ACYP2: variants seen among roughly 807,000 people sequenced by gnomAD.
The protein encoded by ACYP2 is acylphosphatase 2, also known as acylphosphatase-2.
Under a neutral mutation model 11.2 loss-of-function variants are expected in ACYP2, and 12 were observed. That is an observed-to-expected ratio of 1.08 (90% CI 0.69 to 1.74). The LOEUF (loss-of-function observed/expected upper bound fraction) is 1.74. ACYP2 is among the 40% of genes most tolerant of loss of function. The probability of loss-of-function intolerance (pLI) is 0.00; values close to 1 mark genes in which losing one functional copy is unlikely to be tolerated. For synonymous variants in ACYP2, 43 were observed against 32.2 expected (o/e 1.33, Z -1.13); for missense variants, 134 against 101.9 (o/e 1.31, Z -1.35).
At chr2:54,086,744 G>A (rs1445569180) in intron 4 of ACYP2, among the ~76,000 whole-genome samples, 1 of 152,156 alleles carries the variant, frequency 6.6e-6, no homozygotes, top group Non-Finnish European at 1.5e-5. Context: ...GACTGCTACA[G>A]GTTCATAGAT....
At chr2:54,199,217 A>G (rs1684646282) in intron 6 of ACYP2, among the ~76,000 whole-genome samples, 1 of 152,190 alleles carries the variant, frequency 6.6e-6, no homozygotes, top group South Asian at 2.1e-4. Flanking sequence ...ACTTGCTTCT[A>G]GGCTCACTAA....
At chr2:54,291,510 C>G (rs1252450797) in intron 6 of ACYP2, among the ~76,000 whole-genome samples, 1 of 152,226 alleles carries the variant, frequency 6.6e-6, no homozygotes, top group Admixed American at 6.5e-5. Flanking sequence ...CTTCTGGGGT[C>G]TTTCACGTAC....
intron 6 of ACYP2, among the ~76,000 whole-genome samples, chr2:54,265,816 C>G (rs1687992314): frequency 6.6e-6 from 1 of 152,168 alleles, no homozygotes; most frequent in Non-Finnish European, 1.5e-5. Flanking sequence ...TAGTGCCTAC[C>G]TCCCAGAATT....
intron 6 of ACYP2, among the ~76,000 whole-genome samples, chr2:54,295,160 G>GTATATTTATGTAATGAATAACA (rs1689475579): frequency 6.6e-6 from 1 of 152,122 alleles, no homozygotes; most frequent in Non-Finnish European, 1.5e-5. Flanking sequence ...CAGTTACCAT[G>GTATATTTATGTAATGAATAACA]TATATTTATG....
At chr2:54,043,331 C>A (rs945209601) in intron 2 of ACYP2, among the ~76,000 whole-genome samples, 1 of 152,122 alleles carries the variant, frequency 6.6e-6, no homozygotes, top group African/African-American at 2.4e-5. Context: ...GGCAGGACCA[C>A]TTTTTGGATA....
intron 2 of ACYP2, among the ~76,000 whole-genome samples, chr2:53,990,814 T>C: frequency 6.6e-6 from 1 of 152,014 alleles, no homozygotes; most frequent in African/African-American, 2.4e-5. Context: ...TTTTGTTTTT[T>C]AAGGCAGAGT....
intron 2 of ACYP2, among the ~76,000 whole-genome samples, chr2:54,017,330 A>G (rs1302499130): frequency 1.5e-5 from 2 of 135,344 alleles, no homozygotes; most frequent in African/African-American, 2.8e-5. Flanking sequence ...ATCTCAGTTT[A>G]CTGCAGCCTC....
chr2:54,133,869 T>A (rs1368093386), intron 4 of ACYP2, among the ~76,000 whole-genome samples: 22 of 152,182 alleles, frequency 1.4e-4, no homozygotes, highest in Non-Finnish European at 1.5e-5. Context: ...AATATTTGGT[T>A]CTAGACCACC....
intron 4 of ACYP2, among the ~76,000 whole-genome samples, chr2:54,099,981 C>T (rs1207481597): frequency 6.6e-6 from 1 of 152,194 alleles, no homozygotes; most frequent in Non-Finnish European, 1.5e-5. Flanking sequence ...CACAGCCATT[C>T]TAACAGGTGT....
At chr2:54,252,020 C>G (rs910683551) in intron 6 of ACYP2, among the ~76,000 whole-genome samples, 1 of 152,210 alleles carries the variant, frequency 6.6e-6, no homozygotes, top group South Asian at 2.1e-4. Context: ...TCCTTTGTCT[C>G]TGACCTAGCA....
chr2:54,268,993 G>A (rs564214411), intron 6 of ACYP2, among the ~76,000 whole-genome samples: 3 of 152,228 alleles, frequency 2.0e-5, no homozygotes, highest in African/African-American at 7.2e-5. Flanking sequence ...TGAAGTTTGT[G>A]TCATCATTTC....
chr2:54,095,094 G>A (rs1244935016), intron 4 of ACYP2, among the ~76,000 whole-genome samples: 3 of 151,068 alleles, frequency 2.0e-5, no homozygotes, highest in Admixed American at 6.6e-5. Context: ...GACTCTTAAC[G>A]AGCATGCTGC....
intron 6 of ACYP2, among the ~76,000 whole-genome samples, chr2:54,302,659 A>T (rs1689771795): frequency 1.3e-5 from 2 of 152,072 alleles, no homozygotes. Context: ...CTCGCTTTGG[A>T]TGTCTAACAG....
At chr2:54,187,871 G>A (rs577443638) in intron 6 of ACYP2, among the ~76,000 whole-genome samples, 5 of 152,292 alleles carry the variant, frequency 3.3e-5, no homozygotes, top group African/African-American at 7.2e-5. Flanking sequence ...AGGAGTTTAG[G>A]TGGGATCCTC....
At chr2:54,215,083 TTTTTGTATATTGA>T (rs1685502488) in intron 6 of ACYP2, among the ~76,000 whole-genome samples, 1 of 152,182 alleles carries the variant, frequency 6.6e-6, no homozygotes, top group Non-Finnish European at 1.5e-5. Flanking sequence ...ATGCTACTGA[TTTTTGTATATTGA>T]TTTTGTATCC....
chr2:54,281,560 G>A (rs1688850334), intron 6 of ACYP2, among the ~76,000 whole-genome samples: 1 of 152,154 alleles, frequency 6.6e-6, no homozygotes, highest in African/African-American at 2.4e-5. Flanking sequence ...GATATCATGT[G>A]GCAGAAATCA....
chr2:54,097,152 TG>T (rs1467706384), intron 4 of ACYP2, among the ~76,000 whole-genome samples: 3 of 152,248 alleles, frequency 2.0e-5, no homozygotes, highest in African/African-American at 7.2e-5. Flanking sequence ...CCTTTTTCAA[TG>T]AGCTCTTCCC....
chr2:54,183,270 G>A (rs571352638), intron 6 of ACYP2, among the ~76,000 whole-genome samples: 1 of 152,322 alleles, frequency 6.6e-6, no homozygotes, highest in South Asian at 2.1e-4. Flanking sequence ...TTCTGATGAT[G>A]TGGTAGCATT....
chr2:54,148,567 C>A (rs926388037), intron 6 of ACYP2, among the ~76,000 whole-genome samples: 1 of 151,898 alleles, frequency 6.6e-6, no homozygotes, highest in Non-Finnish European at 1.5e-5. Context: ...CCACTAGGCT[C>A]CTAGATAAAT....
Sources: allele counts gnomAD v4.1 joint callset (sites outside exome capture counted in the v4.1 genomes callset), GRCh38; gene constraint gnomAD v4.1.1; transcripts MANE v1.5; gene names NCBI Gene and HGNC (gene_info 2026-07-23, HGNC 2026-07-21).